Variants in ATP8A2 observed in about 807,000 individuals in gnomAD.
ATP8A2 encodes phospholipid-transporting ATPase IB.
ATP8A2 carries 100 observed loss-of-function variants against 165.6 expected under a neutral mutation model. The observed-to-expected ratio is 0.60, with a 90% CI of 0.51 to 0.71. The LOEUF is 0.71. Among genes scored for constraint, ATP8A2 ranks in the 30% least tolerant of loss-of-function variants. The pLI is 0.00. For synonymous variants in ATP8A2, 543 were observed against 548.8 expected, an observed-to-expected ratio of 0.99 and a Z score of 0.15; for missense variants, 1,227 against 1,479.5, an observed-to-expected ratio of 0.83 and a Z score of 2.80.
rs558996933 is a variant in ATP8A2 at position 25,589,753 on chromosome 13, T to C, written c.2211+54T>C. 2.4e-4 allele frequency: 259 copies of C among 1,084,974 alleles called. 2 individuals are homozygous for C. Among genetic ancestry groups the C allele is most frequent in the African/African-American group, 1.7e-3 (105 of 63,502 alleles). 67.2% of individuals were successfully genotyped at this position (1,084,974 alleles called of 1,614,324 possible). ...TTTGCTATAACAGTATTAAACTCTT[T>C]CTTTCTACTATCATTGATAATCAGG... is the stretch of plus-strand genomic sequence containing the variant. On this transcript the variant is annotated intron_variant, in intron 24 of 36. Transcript: ENST00000381655.
chr13:25,943,475 A>G (rs921839319), intron 33 of ATP8A2, among the ~76,000 whole-genome samples: 5 of 152,148 alleles, frequency 3.3e-5, no homozygotes, highest in African/African-American at 1.2e-4. Flanking sequence ...CAGTACAGGA[A>G]CATGCTGTAC....
intron 27 of ATP8A2, among the ~76,000 whole-genome samples, chr13:25,817,816 T>C (rs1160667604): frequency 2.6e-5 from 4 of 152,134 alleles, no homozygotes; most frequent in Non-Finnish European, 5.9e-5. Context: ...TAACTGGGAC[T>C]ACAGGCATGT....
intron 1 of ATP8A2, among the ~76,000 whole-genome samples, chr13:25,415,580 AAATGCTCTAT>A (rs2034108570): frequency 2.0e-5 from 3 of 152,190 alleles, no homozygotes; most frequent in African/African-American, 7.2e-5. Flanking sequence ...TCAACAGGGT[AAATGCTCTAT>A]GTGGTCCAGC....
At chr13:25,901,943 A>G (rs773506972) in intron 33 of ATP8A2, among the ~76,000 whole-genome samples, 2 of 152,244 alleles carry the variant, frequency 1.3e-5, no homozygotes, top group African/African-American at 4.8e-5. Flanking sequence ...ACAGCGTATC[A>G]ATATTAGCTG....
At chr13:25,827,759 G>GT (rs1355264378) in intron 27 of ATP8A2, among the ~76,000 whole-genome samples, 12 of 152,254 alleles carry the variant, frequency 7.9e-5, no homozygotes, top group African/African-American at 2.6e-4. Flanking sequence ...AAGACACATC[G>GT]TATTTCTCAA....
intron 33 of ATP8A2, among the ~76,000 whole-genome samples, chr13:25,892,506 T>TCTCTCTCTCTCCC (rs1953401219): frequency 8.8e-6 from 1 of 113,278 alleles, no homozygotes; most frequent in East Asian, 3.1e-4. Flanking sequence ...CTCTCTCTCC[T>TCTCTCTCTCTCCC]TCCACCTGTG....
At chr13:25,985,419 G>T (rs1220437325) in intron 35 of ATP8A2, among the ~76,000 whole-genome samples, 3 of 152,114 alleles carry the variant, frequency 2.0e-5, no homozygotes, top group African/African-American at 4.8e-5. Flanking sequence ...TTGGGCCAGT[G>T]GTTCTTAAAG....
Position 25,372,324 on chromosome 13 carries a change from CCGGGGCGGGGGCGGCG to C in ATP8A2, c.76+44_76+59del. 1 of 1,344,320 alleles carries C rather than the reference CCGGGGCGGGGGCGGCG, an allele frequency of 7.4e-7. No individual in the cohort carries two copies. The highest frequency in any genetic ancestry group is 9.9e-7 in the Non-Finnish European group (1 of 1,005,818). The allele number at this position is 1,344,320 out of a possible 1,614,324, so 83.3% of individuals were successfully genotyped here. On this transcript the variant is annotated intron_variant, in intron 1 of 36. Transcript: ENST00000381655. This position sits in a 1 kb window ranked among gnomAD's most constrained non-coding sequence, Gnocchi z 4.8. ...AGGGGCGCGGCGAGGGAGGGTGGGC[CCGGGGCGGGGGCGGCG>C]CGGGGCGCGCCTGCGGTTATGCGAC...
chr13:25,476,668 G>A (rs2036004392), intron 2 of ATP8A2, among the ~76,000 whole-genome samples: 1 of 152,186 alleles, frequency 6.6e-6, no homozygotes, highest in African/African-American at 2.4e-5. Context: ...TGAGACTGCT[G>A]TCTTTATCAA....
At chr13:25,845,207 G>A (rs1483132250) in intron 30 of ATP8A2, among the ~76,000 whole-genome samples, 2 of 152,172 alleles carry the variant, frequency 1.3e-5, no homozygotes, top group African/African-American at 2.4e-5. Flanking sequence ...GACCTAGGAT[G>A]TCACCTTCAC....
intron 25 of ATP8A2, among the ~76,000 whole-genome samples, chr13:25,716,245 G>C (rs1227463520): frequency 1.3e-5 from 2 of 152,182 alleles, no homozygotes; most frequent in Non-Finnish European, 2.9e-5. Context: ...TCAGATACAT[G>C]ATTTGCAAAA....
intron 25 of ATP8A2, among the ~76,000 whole-genome samples, chr13:25,767,649 C>T (rs2044518526): frequency 1.3e-5 from 2 of 152,294 alleles, no homozygotes; most frequent in South Asian, 2.1e-4. Flanking sequence ...TTGCAGTGGT[C>T]GCACCTACTG....
chr13:25,438,449 C>G (rs1247402841), intron 1 of ATP8A2, among the ~76,000 whole-genome samples: 1 of 151,962 alleles, frequency 6.6e-6, no homozygotes, highest in African/African-American at 2.4e-5. Flanking sequence ...TTTAGATGAG[C>G]CTGAGCAACA....
At chr13:25,895,289 A>C (rs1252696802) in intron 33 of ATP8A2, among the ~76,000 whole-genome samples, 1 of 152,232 alleles carries the variant, frequency 6.6e-6, no homozygotes, top group African/African-American at 2.4e-5. Flanking sequence ...CTATTGAGAT[A>C]ATCATGTGGT....
At chr13:25,698,731 A>G (rs17685865) in intron 24 of ATP8A2, among the ~76,000 whole-genome samples, 37,095 of 152,066 alleles carry the variant, frequency 0.24, 4,967 homozygotes, top group South Asian at 0.45. Flanking sequence ...GAATGGTTTA[A>G]TCTGAAGATC....
At chr13:25,760,610 G>T (rs1409160778) in intron 25 of ATP8A2, among the ~76,000 whole-genome samples, 1 of 151,804 alleles carries the variant, frequency 6.6e-6, no homozygotes, top group Non-Finnish European at 1.5e-5. Flanking sequence ...TATGTTGGGA[G>T]GTGCATATAA....
chr13:25,904,198 A>T (rs1953858685), intron 33 of ATP8A2, among the ~76,000 whole-genome samples: 1 of 152,134 alleles, frequency 6.6e-6, no homozygotes, highest in Non-Finnish European at 1.5e-5. Flanking sequence ...AGCATTTCAG[A>T]TTTCACATTT....
chr13:25,622,835 C>G (rs1228272795), intron 24 of ATP8A2, among the ~76,000 whole-genome samples: 2 of 152,114 alleles, frequency 1.3e-5, no homozygotes, highest in East Asian at 1.9e-4. Flanking sequence ...CCTCTGGTCC[C>G]AAGCATTTCA....
At chr13:25,647,191 G>A (rs916942076) in intron 24 of ATP8A2, among the ~76,000 whole-genome samples, 8 of 152,158 alleles carry the variant, frequency 5.3e-5, no homozygotes, top group African/African-American at 1.2e-4. Context: ...ATATAGCTCT[G>A]TATTACTTAT....
Sources: allele counts gnomAD v4.1 joint callset (sites outside exome capture counted in the v4.1 genomes callset), GRCh38; gene constraint gnomAD v4.1.1; non-coding constraint Gnocchi (gnomAD v3.1); transcripts MANE v1.5; gene names NCBI Gene and HGNC (gene_info 2026-07-23, HGNC 2026-07-21).